The following MRPS27 variants were observed in gnomAD, a reference collection of about 807,000 sequenced individuals.
MRPS27 encodes the protein small ribosomal subunit protein mS27.
A neutral mutation model predicts 48.9 loss-of-function variants in MRPS27; 43 were observed. That is an observed-to-expected ratio of 0.88 (90% CI 0.69 to 1.13). MRPS27 has a LOEUF of 1.13. Ranked by LOEUF, MRPS27 falls within the 50% of genes most tolerant of loss-of-function variation. MRPS27 has a pLI of 0.00. For synonymous variants in MRPS27, 188 were observed against 171.9 expected (o/e 1.09, Z -0.73); for missense variants, 467 against 476.3 (o/e 0.98, Z 0.18).
At chr5:72,257,995 A>G (rs560400784) in intron 4 of MRPS27, among the ~76,000 whole-genome samples, 2 of 151,654 alleles carry the variant, frequency 1.3e-5, no homozygotes, top group African/African-American at 4.8e-5. Context: ...GAGCCATGAG[A>G]ATTGCTTGAA....
chr5:72,221,648 G>C (rs1422001979), intron 10 of MRPS27, among the ~76,000 whole-genome samples: 3 of 152,206 alleles, frequency 2.0e-5, no homozygotes, highest in Admixed American at 2.0e-4. Context: ...ACTGGAGCAA[G>C]CCCAACCATA....
intron 4 of MRPS27, among the ~76,000 whole-genome samples, chr5:72,266,029 C>T (rs1284032890): frequency 6.6e-6 from 1 of 151,906 alleles, no homozygotes; most frequent in Non-Finnish European, 1.5e-5. Context: ...AATAAAGCTT[C>T]ACCTAAGATA....
chr5:72,295,628 T>C (rs1233477164), intron 3 of MRPS27, 39 bp from the exon 4 acceptor site: 2 of 1,509,102 alleles, frequency 1.3e-6, no homozygotes, highest in Non-Finnish European at 9.2e-7. Context: ...TGAATATAAA[T>C]TATGTCATAT....
chr5:72,226,591 G>C (rs35593644), intron 8 of MRPS27, among the ~76,000 whole-genome samples: 35 of 151,926 alleles, frequency 2.3e-4, no homozygotes, highest in African/African-American at 7.5e-4. Flanking sequence ...CCCAGAAAAA[G>C]AAATCTCACA....
At chr5:72,294,435 T>C (rs779334008) in intron 4 of MRPS27, 4 of 152,176 alleles carry the variant, frequency 2.6e-5, no homozygotes, top group Non-Finnish European at 1.5e-5. Context: ...TGGAAACATT[T>C]AAAATTTCAA....
rs755720097 is a variant in MRPS27 at position 72,223,772 on chromosome 5, C to G, written c.916G>C (p.Asp306His). 6.2e-7 allele frequency: 1 copy of G among 1,614,014 alleles called. No individual in the cohort carries two copies. Among genetic ancestry groups the G allele is most frequent in the South Asian group, 1.1e-5 (1 of 91,072 alleles). Residue 306 changes from aspartate to histidine, a missense_variant, in exon 10 of 11, where the codon GAC becomes CAC. By Grantham distance (81) the Asp-to-His change is moderately conservative (BLOSUM62 -1). Coordinates refer to ENST00000261413, the MANE Select transcript of MRPS27 (RefSeq NM_015084.3). ...ACCAGTTTTTCTGACCCCTGGTTGT[C>G]TTCATCATTTTGGGACTGCTCCTCT... ...ASEEQSQNDE[D>H]NQGSEKLVEQ...
At chr5:72,313,753 A>G (rs1190814919) in intron 2 of MRPS27, among the ~76,000 whole-genome samples, 1 of 152,226 alleles carries the variant, frequency 6.6e-6, no homozygotes, top group African/African-American at 2.4e-5. Flanking sequence ...GAGACTGACA[A>G]TAAGACAGGA....
At chr5:72,228,443 A>T in intron 7 of MRPS27, 75 bp from the exon 8 acceptor site, 1 of 965,800 alleles carries the variant, frequency 1.0e-6, no homozygotes, top group East Asian at 2.4e-5. Context: ...TTTCAATGAC[A>T]TGAGGAAAAG....
chr5:72,239,805 G>A (rs551978689), intron 4 of MRPS27, among the ~76,000 whole-genome samples: 2 of 152,108 alleles, frequency 1.3e-5, no homozygotes, highest in East Asian at 3.9e-4. Context: ...TAAGCCTCTC[G>A]AGTAGCTGGG....
chr5:72,245,941 C>T lies in MRPS27; in HGVS notation c.282-7813G>A, dbSNP rs2111974533. 1.3e-5 allele frequency among the ~76,000 whole-genome samples: 2 copies of T among 152,278 alleles called. 1 individual carries two copies. Reference sequence around the variant, plus strand: ...CACATGAAAAAGTTGAATCCCTAGGCATTCTTTGTTTGTAGCAAAAGGAAG... The same window carrying T: ...CACATGAAAAAGTTGAATCCCTAGGTATTCTTTGTTTGTAGCAAAAGGAAG... On this transcript the variant is annotated intron_variant, in intron 4 of 10. Coordinates refer to ENST00000261413, the MANE Select transcript of MRPS27 (RefSeq NM_015084.3).
intron 4 of MRPS27, among the ~76,000 whole-genome samples, chr5:72,269,183 T>G (rs1325957342): frequency 6.6e-6 from 1 of 152,222 alleles, no homozygotes; most frequent in East Asian, 1.9e-4. Flanking sequence ...TAAAATTGGC[T>G]GTAGCCACTG....
At chr5:72,297,610 A>G (rs1311624278) in intron 3 of MRPS27, 22 bp downstream of exon 3, 3 of 1,474,116 alleles carry the variant, frequency 2.0e-6, no homozygotes, top group Non-Finnish European at 1.9e-6. Context: ...CTTGGAAAAT[A>G]TATATGTTAA....
intron 4 of MRPS27, among the ~76,000 whole-genome samples, chr5:72,283,327 G>A (rs972504140): frequency 2.0e-5 from 3 of 152,102 alleles, no homozygotes; most frequent in Non-Finnish European, 4.4e-5. Flanking sequence ...ATGTCACACT[G>A]TTAGGAGGTT....
chr5:72,318,027 G>A (rs1750606760), intron 1 of MRPS27, among the ~76,000 whole-genome samples: 1 of 152,102 alleles, frequency 6.6e-6, no homozygotes, highest in Non-Finnish European at 1.5e-5. Flanking sequence ...TAGCTGATGG[G>A]CAAACAAACA....
At chr5:72,292,215 T>G (rs1203231518) in intron 4 of MRPS27, among the ~76,000 whole-genome samples, 1 of 150,122 alleles carries the variant, frequency 6.7e-6, no homozygotes, top group Non-Finnish European at 1.5e-5. Context: ...TTTTTTTTTT[T>G]TTTTTTTTTG....
At chr5:72,230,757 T>C (rs1748039244) in intron 7 of MRPS27, among the ~76,000 whole-genome samples, 1 of 152,184 alleles carries the variant, frequency 6.6e-6, no homozygotes, top group Non-Finnish European at 1.5e-5. Flanking sequence ...TAATGATTTT[T>C]CTCATAACAT....
intron 4 of MRPS27, among the ~76,000 whole-genome samples, chr5:72,248,717 TAG>T: frequency 4.6e-5 from 1 of 21,886 alleles, no homozygotes. Context: ...AATAGTTAAA[TAG>T]ATTCCAGACA....
intron 7 of MRPS27, among the ~76,000 whole-genome samples, chr5:72,230,319 T>G (rs1748020977): frequency 6.6e-6 from 1 of 152,178 alleles, no homozygotes; most frequent in African/African-American, 2.4e-5. Flanking sequence ...ATCCTCATTC[T>G]CCCAACTTCC....
intron 4 of MRPS27, among the ~76,000 whole-genome samples, chr5:72,261,436 G>C (rs1164005228): frequency 6.6e-6 from 1 of 151,822 alleles, no homozygotes; most frequent in Non-Finnish European, 1.5e-5. Flanking sequence ...TTTTAGTAGA[G>C]ATGGGGTTTT....
Sources: gnomAD v4.1 joint callset for allele counts (sites outside exome capture counted in the v4.1 genomes callset) on GRCh38, gnomAD v4.1.1 for gene constraint, MANE v1.5 for transcripts, NCBI Gene and HGNC (gene_info 2026-07-23, HGNC 2026-07-21) for gene names.